GALNT9: variants seen among roughly 807,000 people sequenced by gnomAD.
GALNT9 encodes polypeptide N-acetylgalactosaminyltransferase 9, also known as GalNAc transferase 9.
In GALNT9, 47 loss-of-function variants were observed where a neutral mutation model predicts 63.1. The ratio of observed to expected loss-of-function variants is 0.75; its 90% CI spans 0.59 to 0.95. The LOEUF (loss-of-function observed/expected upper bound fraction) is 0.95, where lower values mean the gene tolerates loss of function less well. Ranked by LOEUF, GALNT9 falls within the 40% of genes least tolerant of loss-of-function variation. The pLI is 0.00. For synonymous variants in GALNT9, 396 were observed against 365.7 expected (o/e 1.08, Z -0.94); for missense variants, 829 against 874.8 (o/e 0.95, Z 0.66).
chr12:132,244,099 C>G lies in GALNT9; in HGVS notation c.1077+3811G>C, dbSNP rs112613586. Among the ~76,000 whole-genome samples, 723 of 149,442 alleles carry G rather than the reference C, an allele frequency of 4.8e-3. 8 individuals are homozygous for G. The highest frequency in any genetic ancestry group is 0.016 in the African/African-American group (657 of 40,466). ...AGAGTGAGGCCTCGGGCCGGCCACT[C>G]GGACCACGGTGCAGCTTCCAACAAC... On this transcript the variant is annotated intron_variant, in intron 6 of 10. Transcript: ENST00000328957.
At chr12:132,247,774 C>A in intron 6 of GALNT9, 136 bp downstream of exon 6, 1 of 1,211,514 alleles carries the variant, frequency 8.3e-7, no homozygotes, top group Non-Finnish European at 1.1e-6. Flanking sequence ...GCCCTCACCC[C>A]ATCCCCGGAC....
intron 4 of GALNT9, among the ~76,000 whole-genome samples, chr12:132,260,472 C>G (rs1566003496): frequency 1.3e-5 from 2 of 152,234 alleles, no homozygotes. Flanking sequence ...GCCCCTTGCA[C>G]TAGGCTAAGG....
chr12:132,214,637 C>T (rs922989241), intron 6 of GALNT9, among the ~76,000 whole-genome samples: 13 of 152,248 alleles, frequency 8.5e-5, no homozygotes, highest in South Asian at 2.1e-4. Flanking sequence ...CCGGCCTTGC[C>T]CATTCCTGGC....
intron 2 of GALNT9, among the ~76,000 whole-genome samples, chr12:132,267,865 C>A (rs782146049): frequency 1.5e-5 from 2 of 132,100 alleles, no homozygotes; most frequent in African/African-American, 3.2e-5. Flanking sequence ...CACACACACA[C>A]GCATACAACC....
intron 3 of GALNT9, among the ~76,000 whole-genome samples, chr12:132,262,039 G>A (rs1879407756): frequency 6.6e-6 from 1 of 152,232 alleles, no homozygotes; most frequent in African/African-American, 2.4e-5. Context: ...AGCTCTACTG[G>A]CCTCTGTGGA....
intron 3 of GALNT9, among the ~76,000 whole-genome samples, chr12:132,261,919 G>A (rs1330720448): frequency 6.6e-6 from 1 of 152,218 alleles, no homozygotes; most frequent in East Asian, 1.9e-4. Flanking sequence ...GGGTGGCGCT[G>A]AGGAACCATG....
rs1459516549 is a variant in GALNT9, at chr12:132,329,056, G to T, written c.148C>A (p.Arg50=). ...CCCAGCGTGCCCACCTTGGCGTGTC[G>T]GCTGCGCACCCGGCGGTCGCCGCTC... ...IVSGDRRVRS[R]HAKVGTLGDR... is the part of the protein sequence containing the mutation. Residue 50 remains arginine, a synonymous_variant, in exon 1 of 11, where the codon CGA becomes AGA. Transcript: ENST00000328957. 2.6e-6 allele frequency: 4 copies of T among 1,546,920 alleles called. No homozygotes were observed. Among genetic ancestry groups the T allele is most frequent in the Non-Finnish European group, 3.5e-6 (4 of 1,146,312 alleles).
At chr12:132,322,721 G>A (rs552369440) in intron 1 of GALNT9, among the ~76,000 whole-genome samples, 9 of 152,350 alleles carry the variant, frequency 5.9e-5, no homozygotes, top group African/African-American at 2.2e-4. Context: ...GCGGCTTCCT[G>A]GGAGGGCCTG....
chr12:132,257,832 T>C lies in GALNT9; in HGVS notation c.816A>G (p.Pro272=). 4 of 1,550,026 alleles carry C rather than the reference T, an allele frequency of 2.6e-6. No individual in the cohort carries two copies. The highest frequency in any genetic ancestry group is 3.5e-6 in the Non-Finnish European group (4 of 1,146,798). ...IREDRRRIVL[P]AIDNIKYSTF... Reference sequence around the variant, plus strand: ...TGCTGTACTTGATGTTGTCGATGGCTGGCAGCACGATGCGACGCCGGTCCT... The same window carrying C: ...TGCTGTACTTGATGTTGTCGATGGCCGGCAGCACGATGCGACGCCGGTCCT... The change falls in exon 5 of 11, where the codon CCA becomes CCG. Residue 272 remains proline (P), a synonymous_variant. Coordinates refer to ENST00000328957, the MANE Select transcript of GALNT9 (RefSeq NM_001122636.2).
At chr12:132,204,216 G>T (rs186252491) in intron 6 of GALNT9, among the ~76,000 whole-genome samples, 4 of 152,216 alleles carry the variant, frequency 2.6e-5, no homozygotes, top group Non-Finnish European at 5.9e-5. Flanking sequence ...ACCCCCACGC[G>T]CAGCAGAAAC....
chr12:132,288,319 G>A (rs187187119), intron 1 of GALNT9, among the ~76,000 whole-genome samples: 36 of 152,366 alleles, frequency 2.4e-4, no homozygotes, highest in Middle Eastern at 3.4e-3. Context: ...CAAAGTGTCC[G>A]TATTTATGTA....
At chr12:132,229,554 AG>A (rs1877818933) in intron 6 of GALNT9, among the ~76,000 whole-genome samples, 1 of 152,216 alleles carries the variant, frequency 6.6e-6, no homozygotes. Flanking sequence ...TCGCAGGCAC[AG>A]CCCCGCAGTA....
Position 132,319,881 on chromosome 12 carries a change from G to A in GALNT9, c.238+9085C>T, listed in dbSNP as rs986767286. 5.3e-5 allele frequency among the ~76,000 whole-genome samples: 8 copies of A among 152,220 alleles called. No individual in the cohort carries two copies. The highest frequency in any genetic ancestry group is 1.9e-4 in the East Asian group (1 of 5,172). On this transcript the variant is annotated intron_variant, in intron 1 of 10. Transcript: ENST00000328957. This position sits in a 1 kb window ranked among gnomAD's most constrained non-coding sequence, Gnocchi z 5.2. ...TGTGTCTTCTCCACCCTCAGCCTCC[G>A]GAGGTTCGGAGGCACTCACTGACCC...
At chr12:132,284,918 C>T (rs1237255189) in intron 2 of GALNT9, among the ~76,000 whole-genome samples, 1 of 152,238 alleles carries the variant, frequency 6.6e-6, no homozygotes, top group African/African-American at 2.4e-5. Context: ...CATCTCGCCT[C>T]CCTCTGTCCA....
chr12:132,243,922 G>A (rs1235070621), intron 6 of GALNT9, among the ~76,000 whole-genome samples: 1 of 151,994 alleles, frequency 6.6e-6, no homozygotes, highest in Non-Finnish European at 1.5e-5. Flanking sequence ...TCCCGTGTCC[G>A]CCACACCCCA....
intron 1 of GALNT9, among the ~76,000 whole-genome samples, chr12:132,328,608 C>T (rs1056489939): frequency 2.6e-5 from 4 of 152,196 alleles, no homozygotes; most frequent in African/African-American, 4.8e-5. Context: ...GCCCCCACTC[C>T]TGGAGCGCCA....
intron 6 of GALNT9, among the ~76,000 whole-genome samples, chr12:132,219,564 A>G (rs1187373407): frequency 2.0e-5 from 3 of 152,180 alleles, no homozygotes; most frequent in Admixed American, 6.5e-5. Flanking sequence ...GACGAGCTCA[A>G]TGAGCAGGAA....
At chr12:132,274,428 C>G (rs1555241020) in intron 2 of GALNT9, 1 of 152,536 alleles carries the variant, frequency 6.6e-6, no homozygotes, top group African/African-American at 2.4e-5. Context: ...GGCCTCCAGC[C>G]TGCTGCTCTG....
chr12:132,256,513 T>G (rs1879118878), intron 5 of GALNT9, among the ~76,000 whole-genome samples: 1 of 150,302 alleles, frequency 6.7e-6, no homozygotes, highest in Admixed American at 6.6e-5. Flanking sequence ...CATGTCTCAT[T>G]TATTTTGAGA....
Sources: gnomAD v4.1 joint callset for allele counts (sites outside exome capture counted in the v4.1 genomes callset) on GRCh38, gnomAD v4.1.1 for gene constraint, Gnocchi (gnomAD v3.1) non-coding constraint, MANE v1.5 for transcripts, NCBI Gene and HGNC (gene_info 2026-07-23, HGNC 2026-07-21) for gene names.